The following DPY19L1 variants were observed in gnomAD, a reference collection of about 807,000 sequenced individuals.
DPY19L1 encodes protein C-mannosyl-transferase DPY19L1.
DPY19L1 carries 35 observed loss-of-function variants against 96.9 expected under a neutral mutation model. The ratio of observed to expected loss-of-function variants is 0.36; its 90% CI spans 0.28 to 0.48. The LOEUF is 0.48. DPY19L1 is among the 20% of genes least tolerant of loss of function. DPY19L1 has a pLI of 0.99. For synonymous variants in DPY19L1, 205 were observed against 252.6 expected (o/e 0.81, Z 1.79); for missense variants, 521 against 777.9 (o/e 0.67, Z 3.93).
At position 34,936,060 on chromosome 7, in the gene DPY19L1, A is replaced by G. The variant is rs1612036; in HGVS notation, c.2090+1934T>C. Among the ~76,000 whole-genome samples, 189 of 152,300 alleles carry G rather than the reference A, an allele frequency of 1.2e-3. 1 individual carries two copies. Among genetic ancestry groups the G allele is most frequent in the African/African-American group, 4.4e-3 (183 of 41,576 alleles). ...CCTCCCACTCAACTCCTGCTGTGAC[A>G]GACACAATAAATGGCAAGTCAAGGT... On this transcript the variant is annotated intron_variant, in intron 21 of 21. Coordinates refer to ENST00000638088, the MANE Select transcript of DPY19L1 (RefSeq NM_001366673.1).
intron 6 of DPY19L1, among the ~76,000 whole-genome samples, chr7:34,990,965 G>A (rs1455596128): frequency 3.3e-5 from 5 of 152,222 alleles, no homozygotes; most frequent in Non-Finnish European, 7.3e-5. Context: ...AAAAGAGGAA[G>A]AGATGCAATG....
intron 1 of DPY19L1, among the ~76,000 whole-genome samples, chr7:35,019,175 A>C (rs1432278024): frequency 6.6e-6 from 1 of 152,156 alleles, no homozygotes; most frequent in Non-Finnish European, 1.5e-5. Flanking sequence ...ACTAAGATGA[A>C]CCTGGAAGAC....
At chr7:34,939,195 C>G in intron 20 of DPY19L1, 81 bp downstream of exon 20, 1 of 1,253,322 alleles carries the variant, frequency 8.0e-7, no homozygotes, top group South Asian at 1.4e-5. Context: ...TGAAACATTC[C>G]TTATTACTTT....
chr7:34,975,583 T>C (rs530893842), intron 7 of DPY19L1, among the ~76,000 whole-genome samples: 5 of 152,300 alleles, frequency 3.3e-5, no homozygotes, highest in African/African-American at 9.6e-5. Context: ...CTGAGGTAGG[T>C]TGCTGCACTA....
chr7:34,985,963 T>C (rs570412371), intron 7 of DPY19L1, among the ~76,000 whole-genome samples: 20 of 152,004 alleles, frequency 1.3e-4, no homozygotes, highest in African/African-American at 4.8e-4. Flanking sequence ...CAACGGAATA[T>C]GACACAGCCT....
At chr7:34,999,534 A>T (rs1377500341) in intron 6 of DPY19L1, among the ~76,000 whole-genome samples, 1 of 152,198 alleles carries the variant, frequency 6.6e-6, no homozygotes, top group Non-Finnish European at 1.5e-5. Context: ...AATGCAAGAG[A>T]GGAAAGGGGA....
intron 21 of DPY19L1, 34 bp from the exon 22 acceptor site, chr7:34,931,763 A>C (rs777897389): frequency 6.4e-7 from 1 of 1,568,980 alleles, no homozygotes; most frequent in Non-Finnish European, 8.6e-7. Context: ...AAAAATCAAT[A>C]TGCATTATAT....
intron 7 of DPY19L1, among the ~76,000 whole-genome samples, chr7:34,985,083 G>A (rs1013317180): frequency 1.3e-5 from 2 of 152,118 alleles, no homozygotes; most frequent in South Asian, 2.1e-4. Context: ...AAAGAAAAAC[G>A]AAGTAAGAGG....
chr7:34,985,130 A>C (rs1785020683), intron 7 of DPY19L1, among the ~76,000 whole-genome samples: 1 of 152,190 alleles, frequency 6.6e-6, no homozygotes, highest in Admixed American at 6.5e-5. Context: ...TGCACCTTTC[A>C]TTTGTAAAAG....
At chr7:35,024,953 A>G (rs904821086) in intron 1 of DPY19L1, among the ~76,000 whole-genome samples, 55 of 152,326 alleles carry the variant, frequency 3.6e-4, no homozygotes, top group African/African-American at 1.3e-3. Flanking sequence ...CAACCATATA[A>G]GATAAATTAT....
chr7:35,036,093 T>C (rs1421133028), intron 1 of DPY19L1, among the ~76,000 whole-genome samples: 2 of 152,202 alleles, frequency 1.3e-5, no homozygotes, highest in Non-Finnish European at 2.9e-5. Flanking sequence ...GGCTTTTATT[T>C]GTGGCTGTGA....
At chr7:35,004,175 TAACCAGCCACTCC>T (rs1785498004) in intron 6 of DPY19L1, among the ~76,000 whole-genome samples, 1 of 152,228 alleles carries the variant, frequency 6.6e-6, no homozygotes, top group Non-Finnish European at 1.5e-5. Context: ...CTTGTCGCTT[TAACCAGCCACTCC>T]AATACCTGGC....
At chr7:35,017,858 A>C in intron 3 of DPY19L1, 24 bp downstream of exon 3, 1 of 1,521,226 alleles carries the variant, frequency 6.6e-7, no homozygotes. Flanking sequence ...AAGTACTATG[A>C]TGAAATCCCA....
At chr7:34,995,431 T>C (rs537882459) in intron 6 of DPY19L1, among the ~76,000 whole-genome samples, 2 of 152,284 alleles carry the variant, frequency 1.3e-5, no homozygotes, top group African/African-American at 4.8e-5. Context: ...CATTTACTCA[T>C]ACATCTCATT....
chr7:34,941,014 T>C (rs577538067), intron 18 of DPY19L1, among the ~76,000 whole-genome samples: 2 of 152,088 alleles, frequency 1.3e-5, no homozygotes, highest in South Asian at 4.2e-4. Context: ...TAGTCCACAC[T>C]CCATAACAAC....
At chr7:34,985,655 T>C (rs1785032013) in intron 7 of DPY19L1, among the ~76,000 whole-genome samples, 1 of 151,900 alleles carries the variant, frequency 6.6e-6, no homozygotes, top group African/African-American at 2.4e-5. Flanking sequence ...AAGGCTATTA[T>C]CAAAAAAGAC....
chr7:34,962,777 G>A (rs996626120), intron 10 of DPY19L1, among the ~76,000 whole-genome samples: 3 of 152,164 alleles, frequency 2.0e-5, no homozygotes, highest in Non-Finnish European at 2.9e-5. Context: ...TGATTCTGAT[G>A]TGTGATGTAG....
rs1444749793 is a variant in DPY19L1 at position 34,930,943 on chromosome 7, G to C, written c.*630C>G. ...ATAATGCCATATGGCTGGAAGTTAA[G>C]GGAATTTCCTAACCACAAGGTCCAA... On this transcript the variant is annotated 3_prime_UTR_variant, in exon 22 of 22. Coordinates refer to ENST00000638088, the MANE Select transcript of DPY19L1 (RefSeq NM_001366673.1). 1 of 152,116 alleles carries C rather than the reference G, an allele frequency of 6.6e-6. No homozygotes were observed. Among genetic ancestry groups the C allele is most frequent in the African/African-American group, 2.4e-5 (1 of 41,416 alleles). The allele number at this position is 152,116 out of a possible 1,614,324, so 9.4% of individuals were successfully genotyped here. A position where few individuals can be genotyped will look rare whatever the true frequency, so the allele number is the denominator to read the frequency against.
chr7:35,001,458 G>C (rs1785425078), intron 6 of DPY19L1, among the ~76,000 whole-genome samples: 1 of 152,076 alleles, frequency 6.6e-6, no homozygotes, highest in Non-Finnish European at 1.5e-5. Flanking sequence ...TTCTCACATA[G>C]AAGACAGAGT....
Sources: gnomAD v4.1 joint callset for allele counts (sites outside exome capture counted in the v4.1 genomes callset) on GRCh38, gnomAD v4.1.1 for gene constraint, MANE v1.5 for transcripts, NCBI Gene and HGNC (gene_info 2026-07-23, HGNC 2026-07-21) for gene names.